Variants in HTR2C observed in about 807,000 individuals in gnomAD.
HTR2C encodes the protein 5-hydroxytryptamine receptor 2C, also known as 5-hydroxytryptamine (serotonin) receptor 2C, G protein-coupled.
HTR2C carries 5 observed loss-of-function variants against 21.0 expected under a neutral mutation model. The ratio of observed to expected loss-of-function variants is 0.24; its 90% CI spans 0.12 to 0.50. The LOEUF (loss-of-function observed/expected upper bound fraction) is 0.50. Ranked by LOEUF, HTR2C falls within the 20% of genes least tolerant of loss-of-function variation. The pLI is 0.98. For synonymous variants in HTR2C, 150 were observed against 145.3 expected (o/e 1.03, Z -0.23); for missense variants, 271 against 371.2 (o/e 0.73, Z 2.22).
At chrX:114,795,366 T>G (rs1274019265) in intron 4 of HTR2C, among the ~76,000 whole-genome samples, 8 of 110,843 alleles carry the variant, frequency 7.2e-5, no homozygotes, top group Admixed American at 1.9e-4. Flanking sequence ...CTCTTTAGTT[T>G]AATTAGATCC....
intron 2 of HTR2C, among the ~76,000 whole-genome samples, chrX:114,670,614 G>A (rs1931344330): frequency 8.9e-6 from 1 of 112,135 alleles, no homozygotes; most frequent in Non-Finnish European, 1.9e-5. Context: ...CTAGCATGTA[G>A]CAACACACTT....
intron 1 of HTR2C, among the ~76,000 whole-genome samples, chrX:114,607,029 G>A (rs1928483782): frequency 9.2e-6 from 1 of 108,187 alleles, no homozygotes; most frequent in South Asian, 3.9e-4. Flanking sequence ...TTTTGAGCCA[G>A]GATGATCCAG....
At chrX:114,744,939 C>G in intron 4 of HTR2C, among the ~76,000 whole-genome samples, 1 of 112,074 alleles carries the variant, frequency 8.9e-6, no homozygotes, top group Non-Finnish European at 1.9e-5. Context: ...AACCAATTCT[C>G]TTAAACATAT....
Position 114,823,323 on chromosome X carries a change from A to T in HTR2C, c.350-24680A>T, listed in dbSNP as rs983126422. 4 of 312,988 alleles carry T rather than the reference A, an allele frequency of 1.3e-5. No homozygotes were observed. The East Asian group carries it at 4.0e-4, about 31-fold the overall frequency. The allele number at this position is 312,988 out of a possible 1,213,427, so 25.8% of individuals were successfully genotyped here. A position where few individuals can be genotyped will look rare whatever the true frequency, so the allele number is the denominator to read the frequency against. On this transcript the variant is annotated intron_variant, in intron 4 of 5. Coordinates refer to ENST00000276198, the MANE Select transcript of HTR2C (RefSeq NM_000868.4). The stretch of plus-strand genomic sequence containing the variant: ...ATTTAGGCTACTTGTAATCACAACC[A>T]GTTCATCAGGAAAAGACCACCAGGC...
chrX:114,857,476 T>C (rs782634152), intron 5 of HTR2C, among the ~76,000 whole-genome samples: 1 of 111,325 alleles, frequency 9.0e-6, no homozygotes, highest in Non-Finnish European at 1.9e-5. Flanking sequence ...CTGGTATTTA[T>C]CTTTAATTCC....
At chrX:114,661,980 C>T (rs916452576) in intron 2 of HTR2C, among the ~76,000 whole-genome samples, 1 of 112,010 alleles carries the variant, frequency 8.9e-6, no homozygotes, top group Non-Finnish European at 1.9e-5. Flanking sequence ...AGTCTTTAAA[C>T]ATGTGCAATA....
Position 114,605,185 on chromosome X carries a change from A to G in HTR2C, c.-146-8630A>G, listed in dbSNP as rs1195317140. On this transcript the variant is annotated intron_variant, in intron 1 of 5. Transcript: ENST00000276198. ...GAGCATTAACCTTGACTATGCCTTTAGCTCCAGCCACCTTTTTAAGAGTAA... is the reference window on the plus strand; with the variant it reads ...GAGCATTAACCTTGACTATGCCTTTGGCTCCAGCCACCTTTTTAAGAGTAA... 4.5e-5 allele frequency among the ~76,000 whole-genome samples: 5 copies of G among 111,972 alleles called. No homozygotes were observed. In the East Asian group the frequency reaches 8.4e-4, roughly 19 times the overall value.
chrX:114,587,986 G>T (rs1449893802), intron 1 of HTR2C, among the ~76,000 whole-genome samples: 2 of 112,306 alleles, frequency 1.8e-5, no homozygotes, highest in Non-Finnish European at 3.8e-5. Context: ...TTTCAAATAA[G>T]ATATACACAA....
chrX:114,595,929 A>G (rs1556392487), intron 1 of HTR2C, among the ~76,000 whole-genome samples: 2 of 111,648 alleles, frequency 1.8e-5, no homozygotes, highest in South Asian at 7.3e-4. Flanking sequence ...TTCTGCTTCA[A>G]ATTTTTCAAA....
chrX:114,627,335 T>A (rs1031843126), intron 2 of HTR2C, among the ~76,000 whole-genome samples: 2 of 110,430 alleles, frequency 1.8e-5, no homozygotes, highest in South Asian at 3.9e-4. Flanking sequence ...TAATAAAGAA[T>A]GAGTGGACTA....
At chrX:114,834,568 C>T (rs1164681309) in intron 4 of HTR2C, among the ~76,000 whole-genome samples, 2 of 108,849 alleles carry the variant, frequency 1.8e-5, no homozygotes, top group Non-Finnish European at 3.8e-5. Flanking sequence ...GTAGATCTTC[C>T]TCCATCCTTT....
At chrX:114,615,771 G>A (rs185169053) in intron 2 of HTR2C, among the ~76,000 whole-genome samples, 109 of 111,685 alleles carry the variant, frequency 9.8e-4, no homozygotes, top group African/African-American at 3.4e-3. Flanking sequence ...AGTACTCCTT[G>A]CTTCTCTCCC....
chrX:114,850,126 A>G (rs1347902374), intron 5 of HTR2C, among the ~76,000 whole-genome samples: 1 of 111,681 alleles, frequency 9.0e-6, no homozygotes, highest in Non-Finnish European at 1.9e-5. Flanking sequence ...ATGAAAAACT[A>G]AGGGCCAGGC....
chrX:114,789,617 A>G (rs1347770197), intron 4 of HTR2C, among the ~76,000 whole-genome samples: 2 of 111,603 alleles, frequency 1.8e-5, no homozygotes, highest in Non-Finnish European at 3.8e-5. Flanking sequence ...TTAAAAAAAA[A>G]GGGCTTTGAG....
At chrX:114,874,768 C>T (rs1412572856) in intron 5 of HTR2C, among the ~76,000 whole-genome samples, 1 of 111,371 alleles carries the variant, frequency 9.0e-6, no homozygotes, top group Non-Finnish European at 1.9e-5. Flanking sequence ...CTCGGCCTCC[C>T]AAAGTGCTGG....
chrX:114,726,290 T>C lies in HTR2C; in HGVS notation c.-79-568T>C, dbSNP rs1033625391. Among the ~76,000 whole-genome samples the C allele has an allele frequency of 2.7e-5, 3 of 112,599 alleles. No individual in the cohort carries two copies. In the Admixed American group the frequency reaches 2.8e-4, roughly 11 times the overall value. On this transcript the variant is annotated intron_variant, in intron 2 of 5. Transcript: ENST00000276198. ...GTGACCCGATTTTCCAGGTGCCGTC[T>C]GTCACCCCTTTGTTTGACTAGGAAA...
intron 4 of HTR2C, among the ~76,000 whole-genome samples, chrX:114,799,554 C>G (rs1412042971): frequency 1.8e-5 from 2 of 110,313 alleles, no homozygotes; most frequent in East Asian, 2.8e-4. Flanking sequence ...TGCATTCTTA[C>G]CACAATGGGC....
At chrX:114,856,980 G>T (rs782770864) in intron 5 of HTR2C, among the ~76,000 whole-genome samples, 1 of 111,227 alleles carries the variant, frequency 9.0e-6, no homozygotes, top group Non-Finnish European at 1.9e-5. Flanking sequence ...TATTGAAAAG[G>T]TTTCAGAGAT....
chrX:114,774,384 T>G (rs2070035303), intron 4 of HTR2C, among the ~76,000 whole-genome samples: 1 of 111,447 alleles, frequency 9.0e-6, no homozygotes, highest in African/African-American at 3.3e-5. Context: ...GCTCCCAAAT[T>G]ACCACATAGA....
Sources: gnomAD v4.1 joint callset for allele counts (sites outside exome capture counted in the v4.1 genomes callset) on GRCh38, gnomAD v4.1.1 for gene constraint, MANE v1.5 for transcripts, NCBI Gene and HGNC (gene_info 2026-07-23, HGNC 2026-07-21) for gene names.